SYNPO2: variants seen among roughly 807,000 people sequenced by gnomAD.
SYNPO2 encodes the protein synaptopodin 2, also known as synaptopodin-2.
Under a neutral mutation model 85.0 loss-of-function variants are expected in SYNPO2, and 56 were observed. The ratio of observed to expected loss-of-function variants is 0.66; its 90% confidence interval spans 0.53 to 0.82. The LOEUF (loss-of-function observed/expected upper bound fraction) is 0.82, where lower values mean the gene tolerates loss of function less well. Among genes scored for constraint, SYNPO2 ranks in the 40% least tolerant of loss-of-function variants. The pLI is 0.00. For synonymous variants in SYNPO2, 602 were observed against 591.1 expected (o/e 1.02, Z -0.27); for missense variants, 1,575 against 1,534.2 (o/e 1.03, Z -0.44).
chr4:118,897,716 T>G (rs888283530), intron 1 of SYNPO2, among the ~76,000 whole-genome samples: 22 of 152,230 alleles, frequency 1.4e-4, no homozygotes, highest in African/African-American at 5.1e-4. Flanking sequence ...GTTAAGTGAC[T>G]TCTCCAGGTC....
chr4:118,888,952 C>A lies in SYNPO2; in HGVS notation c.-85C>A, dbSNP rs1732271986. ...CCCAGTCTTGCGTCCTCGGCAGGCG[C>A]CCGAAGCTGAGTGCGCATCCTCTAC... On this transcript the variant is annotated 5_prime_UTR_variant, in exon 1 of 5. Coordinates refer to ENST00000307142, the MANE Select transcript of SYNPO2 (RefSeq NM_133477.3). 14 of 1,387,364 alleles carry A rather than the reference C, an allele frequency of 1.0e-5. No individual in the cohort carries two copies. Among genetic ancestry groups the A allele is most frequent in the African/African-American group, 1.4e-5 (1 of 70,006 alleles). 85.9% of individuals were successfully genotyped at this position (1,387,364 alleles called of 1,614,324 possible).
At chr4:119,051,335 G>A (rs897453428) in intron 4 of SYNPO2, among the ~76,000 whole-genome samples, 3 of 147,784 alleles carry the variant, frequency 2.0e-5, no homozygotes, top group Non-Finnish European at 3.0e-5. Context: ...GACTACAAGC[G>A]CCCGCCACTA....
chr4:118,859,713 G>C (rs1189633108), intron 1 of SYNPO2, among the ~76,000 whole-genome samples: 1 of 152,132 alleles, frequency 6.6e-6, no homozygotes, highest in Non-Finnish European at 1.5e-5. Context: ...ATGACCTCCA[G>C]TTCCATCCAT....
intron 1 of SYNPO2, among the ~76,000 whole-genome samples, chr4:118,994,873 A>G (rs894259441): frequency 3.9e-5 from 6 of 152,226 alleles, no homozygotes; most frequent in Non-Finnish European, 4.4e-5. Flanking sequence ...CAAGAATTAG[A>G]TTATCTGAAT....
rs548315000 is a variant in SYNPO2 at position 118,868,047 on chromosome 4, T to TAA, written c.12+17107_12+17108insAA. ...TAATCTACTCCTCCCCTCCTTTCAT[T>TAA]TAAAAAAAAAAAAAAAACTACGTAT... On this transcript the variant is annotated intron_variant, in intron 1 of 4. Transcript: ENST00000610556. Among the ~76,000 whole-genome samples the TAA allele has an allele frequency of 3.0e-3, 387 of 126,962 alleles. 5 individuals carry two copies. The highest frequency in any genetic ancestry group is 5.0e-3 in the Non-Finnish European group (298 of 59,826). The allele number at this position is 126,962 out of a possible 152,430, so 83.3% of individuals were successfully genotyped here.
intron 1 of SYNPO2, among the ~76,000 whole-genome samples, chr4:118,988,783 G>A (rs1736310008): frequency 6.6e-6 from 1 of 152,160 alleles, no homozygotes; most frequent in South Asian, 2.1e-4. Context: ...CTTTGCCCAA[G>A]CACAGTGCCG....
At chr4:118,887,166 A>AGTGTGTGTGTGTGTGTGT (rs71595329), upstream of SYNPO2, among the ~76,000 whole-genome samples, 19 of 139,142 alleles carry the variant, frequency 1.4e-4, no homozygotes, top group African/African-American at 5.2e-4. Context: ...CATCTGAGTG[A>AGTGTGTGTGTGTGTGTGT]GTGTGTGTGT....
At chr4:119,057,339 T>C (rs1300025419) in intron 4 of SYNPO2, 62 bp from the exon 5 acceptor site, 2 of 1,468,810 alleles carry the variant, frequency 1.4e-6, no homozygotes, top group Non-Finnish European at 1.8e-6. Context: ...AGGAATACTT[T>C]GGAGTAACAA....
At chr4:119,026,389 A>G (rs967090466) in intron 2 of SYNPO2, among the ~76,000 whole-genome samples, 1 of 152,230 alleles carries the variant, frequency 6.6e-6, no homozygotes, top group African/African-American at 2.4e-5. Context: ...GGATGGATTC[A>G]GGTTTCATAA....
At chr4:118,870,095 T>A (rs984903773) in intron 1 of SYNPO2, among the ~76,000 whole-genome samples, 1 of 152,220 alleles carries the variant, frequency 6.6e-6, no homozygotes, top group African/African-American at 2.4e-5. Context: ...TAATGAAATC[T>A]GGTCAGCTGA....
chr4:118,949,410 T>C (rs1734620020), intron 1 of SYNPO2, among the ~76,000 whole-genome samples: 2 of 152,156 alleles, frequency 1.3e-5, no homozygotes, highest in Non-Finnish European at 2.9e-5. Context: ...TCTAGTTGAA[T>C]GCTCTTGCAG....
chr4:118,949,221 C>G (rs28397868), intron 1 of SYNPO2, among the ~76,000 whole-genome samples: 1 of 151,958 alleles, frequency 6.6e-6, no homozygotes, highest in Non-Finnish European at 1.5e-5. Flanking sequence ...AACAGTTATA[C>G]GGCAGATCCG....
intron 1 of SYNPO2, among the ~76,000 whole-genome samples, chr4:118,947,167 C>T (rs1214244733): frequency 1.3e-5 from 2 of 152,174 alleles, no homozygotes; most frequent in African/African-American, 2.4e-5. Context: ...CTGTGAAGTT[C>T]AGAATTTCTC....
rs538342076 is a variant in SYNPO2, at chr4:118,906,219, A to T, written c.105+17078A>T. ...TTTTGCTGAGGTTTTGCTTTTTTTT[A>T]AAAAAATAAGCAACTTATATAAAGA... On this transcript the variant is annotated intron_variant, in intron 1 of 4. Transcript: ENST00000307142. 2.3e-4 allele frequency among the ~76,000 whole-genome samples: 35 copies of T among 152,150 alleles called. 1 individual carries two copies. Among genetic ancestry groups the T allele is most frequent in the African/African-American group, 5.3e-4 (22 of 41,514 alleles).
In SYNPO2 at chr4:119,061,161, C is replaced by T. The variant is rs955113723; in HGVS notation, c.*3227C>T. 9.9e-5 allele frequency: 15 copies of T among 152,082 alleles called. No individual in the cohort carries two copies. Among genetic ancestry groups the T allele is most frequent in the Non-Finnish European group, 1.9e-4 (13 of 68,018 alleles). 9.4% of individuals were successfully genotyped at this position (152,082 alleles called of 1,614,324 possible). On this transcript the variant is annotated 3_prime_UTR_variant, in exon 5 of 5. Coordinates refer to ENST00000307142, the MANE Select transcript of SYNPO2 (RefSeq NM_133477.3). ...CTTGTTAAATAGATTAACATTTCCA[C>T]TTCTGTTTATCACAAAAGACTGTAT... is the stretch of plus-strand genomic sequence containing the variant.
In SYNPO2 at chr4:119,060,729, A is replaced by G. The variant is rs768951751; in HGVS notation, c.*2795A>G. 6.6e-6 allele frequency: 1 copy of G among 152,210 alleles called. No individual in the cohort carries two copies. The highest frequency in any genetic ancestry group is 1.5e-5 in the Non-Finnish European group (1 of 68,020). 9.4% of individuals were successfully genotyped at this position (152,210 alleles called of 1,614,324 possible). On this transcript the variant is annotated 3_prime_UTR_variant, in exon 5 of 5. Coordinates refer to ENST00000307142, the MANE Select transcript of SYNPO2 (RefSeq NM_133477.3). The stretch of plus-strand genomic sequence containing the variant: ...TACTGTGGATTAAAAAGCCTTCCCT[A>G]AAAAGAGAGCATGCCAGTCATAGAG...
chr4:119,010,002 C>G (rs1737230395), intron 1 of SYNPO2, among the ~76,000 whole-genome samples: 1 of 152,176 alleles, frequency 6.6e-6, no homozygotes, highest in Non-Finnish European at 1.5e-5. Context: ...GGGTTTTTCT[C>G]CATAACCATT....
intron 1 of SYNPO2, among the ~76,000 whole-genome samples, chr4:118,853,444 A>G (rs561458946): frequency 5.9e-5 from 9 of 152,146 alleles, no homozygotes; most frequent in Non-Finnish European, 1.0e-4. Context: ...CATGAATTTG[A>G]TGGACCTAAA....
chr4:118,992,649 G>A (rs1345646652), intron 1 of SYNPO2, among the ~76,000 whole-genome samples: 1 of 152,172 alleles, frequency 6.6e-6, no homozygotes, highest in Non-Finnish European at 1.5e-5. Flanking sequence ...GTTATAGGCA[G>A]TAAGTTAGGA....
Sources: gnomAD v4.1 joint callset for allele counts (sites outside exome capture counted in the v4.1 genomes callset) on GRCh38, gnomAD v4.1.1 for gene constraint, MANE v1.5 for transcripts, NCBI Gene and HGNC (gene_info 2026-07-23, HGNC 2026-07-21) for gene names.